Variants in ENPP6 observed in about 807,000 individuals in gnomAD.
ENPP6 encodes the protein glycerophosphocholine cholinephosphodiesterase ENPP6.
Under a neutral mutation model 42.0 loss-of-function variants are expected in ENPP6, and 32 were observed. The ratio of observed to expected loss-of-function variants is 0.76; its 90% CI spans 0.58 to 1.02. ENPP6 has a LOEUF of 1.02. Among genes scored for constraint, ENPP6 ranks in the 50% least tolerant of loss-of-function variants. ENPP6 has a pLI of 0.00. For synonymous variants in ENPP6, 213 were observed against 216.0 expected, an observed-to-expected ratio of 0.99 and a Z score of 0.12; for missense variants, 552 against 566.8, an observed-to-expected ratio of 0.97 and a Z score of 0.27.
chr4:184,198,944 A>G (rs1002827964), intron 1 of ENPP6, among the ~76,000 whole-genome samples: 1 of 152,098 alleles, frequency 6.6e-6, no homozygotes, highest in Non-Finnish European at 1.5e-5. Flanking sequence ...ACTGGCAAGT[A>G]CCCTATGCTG....
chr4:184,161,790 C>G (rs965301390), intron 1 of ENPP6, among the ~76,000 whole-genome samples: 3 of 151,582 alleles, frequency 2.0e-5, no homozygotes, highest in African/African-American at 7.3e-5. Context: ...AATGGAAAAC[C>G]AAACATTGTA....
rs1316981635 is a variant in ENPP6, at chr4:184,184,746, G to A, written c.242-31013C>T. Among the ~76,000 whole-genome samples the A allele has an allele frequency of 1.3e-5, 2 of 152,138 alleles. No individual in the cohort carries two copies. The highest frequency in any genetic ancestry group is 2.9e-5 in the Non-Finnish European group (2 of 68,016). ...GTGATGGGTCCACAGGCCCAAAAAG[G>A]CCAAGGAATTCTGGCGGCACCAGCA... On this transcript the variant is annotated intron_variant, in intron 1 of 7. Transcript: ENST00000296741. The surrounding 1 kb of genome is among the most constrained non-coding windows in gnomAD (Gnocchi z 4.7).
chr4:184,093,791 G>A (rs1735850564), intron 7 of ENPP6, among the ~76,000 whole-genome samples: 2 of 152,042 alleles, frequency 1.3e-5, no homozygotes, highest in South Asian at 2.1e-4. Context: ...TTCCCTATCC[G>A]AGGAATCAAG....
At chr4:184,102,527 G>T (rs1466138962) in intron 6 of ENPP6, among the ~76,000 whole-genome samples, 7 of 152,248 alleles carry the variant, frequency 4.6e-5, no homozygotes, top group Non-Finnish European at 8.8e-5. Flanking sequence ...CTAAGCTGGG[G>T]AGAATAACGG....
intron 1 of ENPP6, among the ~76,000 whole-genome samples, chr4:184,206,900 A>G (rs372622859): frequency 6.6e-6 from 1 of 152,158 alleles, no homozygotes; most frequent in Non-Finnish European, 1.5e-5. Context: ...GGAGATCTCT[A>G]TCCTTGGGTC....
At chr4:184,098,162 A>C (rs1735943327) in intron 6 of ENPP6, among the ~76,000 whole-genome samples, 1 of 152,176 alleles carries the variant, frequency 6.6e-6, no homozygotes. Flanking sequence ...TGTCCTAGTG[A>C]GTGATCAAAC....
Position 184,089,677 on chromosome 4 carries a change from G to A in ENPP6, c.*1500C>T, listed in dbSNP as rs1258937678. 6.6e-6 allele frequency: 1 copy of A among 151,726 alleles called. No homozygotes were observed. Among genetic ancestry groups the A allele is most frequent in the African/African-American group, 2.4e-5 (1 of 41,264 alleles). 9.4% of individuals were successfully genotyped at this position (151,726 alleles called of 1,614,324 possible). ...AATCTTTTATGTTTTGTAGAGATGG[G>A]GGTCGCCCTGTGTTGCCCAAGTTAG... On this transcript the variant is annotated 3_prime_UTR_variant, in exon 8 of 8. Coordinates refer to ENST00000296741, the MANE Select transcript of ENPP6 (RefSeq NM_153343.4).
intron 1 of ENPP6, among the ~76,000 whole-genome samples, chr4:184,214,327 C>T (rs1396343930): frequency 6.6e-6 from 1 of 152,010 alleles, no homozygotes; most frequent in Non-Finnish European, 1.5e-5. Flanking sequence ...ATTTTGGTTG[C>T]TTTTGTCCTG....
At chr4:184,114,309 C>T (rs1319141245) in intron 5 of ENPP6, among the ~76,000 whole-genome samples, 1 of 152,100 alleles carries the variant, frequency 6.6e-6, no homozygotes, top group African/African-American at 2.4e-5. Context: ...ATATCTATGG[C>T]TAAAATTAAA....
chr4:184,153,182 AT>A (rs1348869032), intron 2 of ENPP6, among the ~76,000 whole-genome samples: 2 of 151,110 alleles, frequency 1.3e-5, no homozygotes, highest in East Asian at 3.9e-4. Context: ...CTGGAGTGCA[AT>A]GGCGCAATCT....
At chr4:184,132,804 C>T (rs1431741866) in intron 2 of ENPP6, among the ~76,000 whole-genome samples, 1 of 140,748 alleles carries the variant, frequency 7.1e-6, no homozygotes, top group Non-Finnish European at 1.5e-5. Flanking sequence ...CATATATATA[C>T]ATATATACAT....
At chr4:184,177,144 C>G (rs1313715762) in intron 1 of ENPP6, among the ~76,000 whole-genome samples, 2 of 152,216 alleles carry the variant, frequency 1.3e-5, no homozygotes, top group Non-Finnish European at 2.9e-5. Context: ...TTGCCACCAT[C>G]ACTGTAGCCC....
intron 1 of ENPP6, among the ~76,000 whole-genome samples, chr4:184,187,810 A>G (rs1317549835): frequency 1.3e-5 from 2 of 152,230 alleles, no homozygotes. Context: ...TCCAGGGCCT[A>G]GAAGAGTATC....
chr4:184,122,444 C>T (rs1433172256), intron 3 of ENPP6, among the ~76,000 whole-genome samples: 8 of 152,170 alleles, frequency 5.3e-5, no homozygotes, highest in Middle Eastern at 3.4e-3. Context: ...CCACCAGAAC[C>T]TTCCCCATTC....
At chr4:184,199,228 G>C (rs984871193) in intron 1 of ENPP6, among the ~76,000 whole-genome samples, 3 of 152,214 alleles carry the variant, frequency 2.0e-5, no homozygotes, top group African/African-American at 7.2e-5. Context: ...ACGTGCCCCA[G>C]CCTCAAAGTT....
chr4:184,196,104 A>G (rs1405975817), intron 1 of ENPP6, among the ~76,000 whole-genome samples: 1 of 152,204 alleles, frequency 6.6e-6, no homozygotes, highest in Admixed American at 6.5e-5. Context: ...CTGGTCTTCA[A>G]ACGCTCCTTG....
At chr4:184,098,253 C>T (rs2111329803) in intron 6 of ENPP6, among the ~76,000 whole-genome samples, 1 of 152,324 alleles carries the variant, frequency 6.6e-6, no homozygotes, top group East Asian at 1.9e-4. Context: ...GGACTTGTGG[C>T]TGGCCTCTGA....
chr4:184,164,447 C>G (rs1439332090), intron 1 of ENPP6, among the ~76,000 whole-genome samples: 1 of 152,100 alleles, frequency 6.6e-6, no homozygotes, highest in African/African-American at 2.4e-5. Context: ...GGCCCTAATC[C>G]CACATTTCTG....
intron 1 of ENPP6, among the ~76,000 whole-genome samples, chr4:184,162,744 T>TA (rs1381106982): frequency 5.3e-5 from 8 of 152,288 alleles, no homozygotes; most frequent in Non-Finnish European, 1.5e-5. Flanking sequence ...GAGATGCTCT[T>TA]ACTGATGTGC....
Sources: gnomAD v4.1 joint callset for allele counts (sites outside exome capture counted in the v4.1 genomes callset) on GRCh38, gnomAD v4.1.1 for gene constraint, Gnocchi (gnomAD v3.1) non-coding constraint, MANE v1.5 for transcripts, NCBI Gene and HGNC (gene_info 2026-07-23, HGNC 2026-07-21) for gene names.